Variants in PCDHGA5 observed in about 807,000 individuals in gnomAD.
PCDHGA5 encodes protocadherin gamma subfamily A, 5, also known as protocadherin gamma-A5.
Under a neutral mutation model 56.7 loss-of-function variants are expected in PCDHGA5, and 36 were observed. The observed-to-expected ratio is 0.64, with a 90% CI of 0.49 to 0.84. PCDHGA5 has a LOEUF of 0.84. Ranked by LOEUF, PCDHGA5 falls within the 40% of genes least tolerant of loss-of-function variation. The pLI is 0.00. For synonymous variants in PCDHGA5, 563 were observed against 520.2 expected (o/e 1.08, Z -1.12); for missense variants, 1,305 against 1,201.5 (o/e 1.09, Z -1.27).
In PCDHGA5 at chr5:141,476,352, T is replaced by C. The variant is rs2099389565; in HGVS notation, c.2422-18455T>C. The C allele has an allele frequency of 1.2e-6, 2 of 1,613,826 alleles. No individual in the cohort carries two copies. Among genetic ancestry groups the C allele is most frequent in the African/African-American group, 1.3e-5 (1 of 74,852 alleles). On this transcript the variant is annotated intron_variant, in intron 1 of 3. Transcript: ENST00000518069. The surrounding 1 kb of genome is among the most constrained non-coding windows in gnomAD (Gnocchi z 7.6). ...GGAGCTAGCCGAAGATTCTTTGAGG[T>C]GAACCGGGAGACCGGAGAGATGTTT...
chr5:141,490,454 CG>C lies in PCDHGA5; in HGVS notation c.2422-4352del. ...ATTAAGCCTTCTGAGAACCACTACT[CG>C]CTGCTAACCAGCCAGCCTTTGGACC... On this transcript the variant is annotated intron_variant, in intron 1 of 3. Coordinates refer to ENST00000518069, the MANE Select transcript of PCDHGA5 (RefSeq NM_018918.3). This position sits in a 1 kb window ranked among gnomAD's most constrained non-coding sequence, Gnocchi z 5.4. The C allele has an allele frequency of 1.2e-6, 2 of 1,614,176 alleles. No individual in the cohort carries two copies. Among genetic ancestry groups the C allele is most frequent in the Non-Finnish European group, 1.7e-6 (2 of 1,180,020 alleles).
At chr5:141,422,665 C>T in intron 1 of PCDHGA5, 2 of 1,608,390 alleles carry the variant, frequency 1.2e-6, no homozygotes, top group Non-Finnish European at 8.5e-7. Context: ...CGCCCTCGAC[C>T]CGGACAGCAA....
chr5:141,426,865 T>G (rs2096965950), intron 1 of PCDHGA5: 1 of 456,600 alleles, frequency 2.2e-6, no homozygotes, highest in African/African-American at 2.0e-5. Flanking sequence ...GAATTAGTGC[T>G]GGAGAAGCCC....
chr5:141,425,248 G>T (rs954872490), intron 1 of PCDHGA5, among the ~76,000 whole-genome samples: 2 of 152,178 alleles, frequency 1.3e-5, no homozygotes, highest in Admixed American at 1.3e-4. Context: ...AAAAGGATAT[G>T]AGGTATTTGG....
At chr5:141,409,502 T>G (rs1311120933) in intron 1 of PCDHGA5, 17 of 1,613,868 alleles carry the variant, frequency 1.1e-5, no homozygotes, top group Non-Finnish European at 1.4e-5. Context: ...GCCTCTTTCT[T>G]CCAGTAGAAG....
chr5:141,414,849 C>G (rs10038103), intron 1 of PCDHGA5: 1 of 1,614,134 alleles, frequency 6.2e-7, no homozygotes, highest in African/African-American at 1.3e-5. Flanking sequence ...TTGTGCTGGA[C>G]CAGAACGACA....
rs369529373 is a variant in PCDHGA5 at position 141,458,890 on chromosome 5, C to T, written c.2422-35917C>T. Among the ~76,000 whole-genome samples, 87 of 152,160 alleles carry T rather than the reference C, an allele frequency of 5.7e-4. 1 individual carries two copies. In the South Asian group the frequency reaches 0.016, roughly 28 times the overall value. ...TGGGACTACAGGCATGCACACCATG[C>T]GCAGCTAATTTTTTCTATTTTTTGT... On this transcript the variant is annotated intron_variant, in intron 1 of 3. Coordinates refer to ENST00000518069, the MANE Select transcript of PCDHGA5 (RefSeq NM_018918.3).
At chr5:141,492,601 C>T (rs1374321466) in intron 1 of PCDHGA5, among the ~76,000 whole-genome samples, 2 of 152,220 alleles carry the variant, frequency 1.3e-5, no homozygotes, top group East Asian at 3.9e-4. Context: ...GGAGCGACTG[C>T]CGCTCTAAGT....
rs561451935 is a variant in PCDHGA5 at position 141,423,179 on chromosome 5, G to A, written c.2421+56428G>A. 21 of 1,613,516 alleles carry A rather than the reference G, an allele frequency of 1.3e-5. No individual in the cohort carries two copies. The South Asian group carries it at 2.1e-4, about 16-fold the overall frequency. ...CTCGTGGTGGCCGTCCAGGACCACG[G>A]CCAGCCCCCTCTCTCGGCCACCGTC... On this transcript the variant is annotated intron_variant, in intron 1 of 3. Transcript: ENST00000518069.
chr5:141,418,589 C>G lies in PCDHGA5; in HGVS notation c.2421+51838C>G, dbSNP rs184213052. ...CAATGACAACCCCCCAGTGTTCAGC[C>G]AGGACGTGTACAGGGTTAGCCTTCG... On this transcript the variant is annotated intron_variant, in intron 1 of 3. Transcript: ENST00000518069. 5.5e-4 allele frequency: 884 copies of G among 1,614,012 alleles called. 4 individuals carry two copies. Among genetic ancestry groups the G allele is most frequent in the South Asian group, 4.0e-3 (361 of 91,086 alleles).
At chr5:141,377,295 G>A (rs2150107676) in intron 1 of PCDHGA5, 2 of 152,102 alleles carry the variant, frequency 1.3e-5, no homozygotes, top group Middle Eastern at 6.8e-3. Context: ...CTTAATTTAG[G>A]TCAGTGTTAA....
intron 1 of PCDHGA5, among the ~76,000 whole-genome samples, chr5:141,433,847 A>C (rs979302028): frequency 6.6e-6 from 1 of 151,976 alleles, no homozygotes; most frequent in South Asian, 2.1e-4. Context: ...CAAAAAAAAA[A>C]AAAAAAAACT....
In PCDHGA5 at chr5:141,431,961, A is replaced by C; in HGVS notation, c.2422-62846A>C. Reference sequence around the variant, plus strand: ...AAATTAGAAAAATCTTACGGAAATTACTATAGTTTAGTCACAGACATAGTC... The same window carrying C: ...AAATTAGAAAAATCTTACGGAAATTCCTATAGTTTAGTCACAGACATAGTC... On this transcript the variant is annotated intron_variant, in intron 1 of 3. Transcript: ENST00000518069. The surrounding 1 kb of genome is among the most constrained non-coding windows in gnomAD (Gnocchi z 4.8). 1 of 1,614,206 alleles carries C rather than the reference A, an allele frequency of 6.2e-7. No homozygotes were observed.
At chr5:141,409,039 C>A (rs2095214342) in intron 1 of PCDHGA5, 1 of 1,614,004 alleles carries the variant, frequency 6.2e-7, no homozygotes, top group Non-Finnish European at 8.5e-7. Flanking sequence ...AGATAAACTA[C>A]TACTTCCGAA....
chr5:141,392,101 C>G (rs1234202076), intron 1 of PCDHGA5: 1 of 152,130 alleles, frequency 6.6e-6, no homozygotes, highest in Non-Finnish European at 1.5e-5. Context: ...AATTTAAAAG[C>G]AACAACTCTA....
intron 1 of PCDHGA5, among the ~76,000 whole-genome samples, chr5:141,407,771 A>G (rs1414886829): frequency 6.6e-6 from 1 of 152,246 alleles, no homozygotes; most frequent in East Asian, 1.9e-4. Context: ...GAAATTGTGC[A>G]TAATAGATTT....
intron 1 of PCDHGA5, chr5:141,374,130 T>G (rs368568776): frequency 1.2e-5 from 20 of 1,604,086 alleles, no homozygotes; most frequent in African/African-American, 2.7e-5. Context: ...CAGGTCCTGC[T>G]CCTCACGCTC....
chr5:141,422,304 A>C (rs1265775894), intron 1 of PCDHGA5: 2 of 1,548,406 alleles, frequency 1.3e-6, no homozygotes. Context: ...CAATTCTGGA[A>C]AACTCTCCTC....
intron 1 of PCDHGA5, chr5:141,479,772 G>A (rs904607838): frequency 1.3e-5 from 2 of 152,192 alleles, no homozygotes; most frequent in Non-Finnish European, 2.9e-5. Flanking sequence ...CATATCCTTA[G>A]ACAGGTAAAG....
Sources: allele counts gnomAD v4.1 joint callset (sites outside exome capture counted in the v4.1 genomes callset), GRCh38; gene constraint gnomAD v4.1.1; non-coding constraint Gnocchi (gnomAD v3.1); transcripts MANE v1.5; gene names NCBI Gene and HGNC (gene_info 2026-07-23, HGNC 2026-07-21).